AIDA: variants seen among roughly 807,000 people sequenced by gnomAD.
AIDA encodes the protein axin interactor, dorsalization associated.
AIDA carries 18 observed loss-of-function variants against 42.7 expected under a neutral mutation model. The ratio of observed to expected loss-of-function variants is 0.42; its 90% CI spans 0.29 to 0.63. The LOEUF is 0.63. AIDA is among the 20% of genes least tolerant of loss of function. The pLI, the probability that AIDA is intolerant of heterozygous loss-of-function variation, is 0.19. For synonymous variants in AIDA, 104 were observed against 122.9 expected (o/e 0.85, Z 1.02); for missense variants, 250 against 354.1 (o/e 0.71, Z 2.36).
intron 1 of AIDA, among the ~76,000 whole-genome samples, chr1:222,704,416 G>A (rs887020978): frequency 6.6e-6 from 1 of 152,054 alleles, no homozygotes; most frequent in Non-Finnish European, 1.5e-5. Context: ...CTACCAAAAT[G>A]TCCATCAACT....
rs755303641 is a variant in AIDA at position 222,670,114 on chromosome 1, C to A, written c.824+19G>T. 5 of 1,610,958 alleles carry A rather than the reference C, an allele frequency of 3.1e-6. No individual in the cohort carries two copies. In the Admixed American group the frequency reaches 8.3e-5, roughly 27 times the overall value. ...AGTCACCATCAAATTAGTACTAATTCTATATGCACATCACTTACAGTTCTA... is the reference window on the plus strand; with the variant it reads ...AGTCACCATCAAATTAGTACTAATTATATATGCACATCACTTACAGTTCTA... On this transcript the variant is annotated intron_variant, in intron 9 of 9. Coordinates refer to ENST00000340020, the MANE Select transcript of AIDA (RefSeq NM_022831.4).
chr1:222,709,162 G>T (rs763820597), intron 1 of AIDA, among the ~76,000 whole-genome samples: 1 of 152,220 alleles, frequency 6.6e-6, no homozygotes, highest in African/African-American at 2.4e-5. Context: ...GCCGGGCACG[G>T]TGGCTCATGC....
chr1:222,706,970 G>A (rs1655855975), intron 1 of AIDA, among the ~76,000 whole-genome samples: 1 of 151,988 alleles, frequency 6.6e-6, no homozygotes, highest in Non-Finnish European at 1.5e-5. Flanking sequence ...TGTTGCTAGA[G>A]TGGGAATATG....
chr1:222,696,975 C>T (rs1386494863), intron 2 of AIDA, among the ~76,000 whole-genome samples: 3 of 152,116 alleles, frequency 2.0e-5, no homozygotes, highest in African/African-American at 4.8e-5. Context: ...CGGAGTCTCA[C>T]TCTGTTGCCC....
At chr1:222,710,361 A>G (rs931002701) in intron 1 of AIDA, among the ~76,000 whole-genome samples, 1 of 152,248 alleles carries the variant, frequency 6.6e-6, no homozygotes, top group Non-Finnish European at 1.5e-5. Flanking sequence ...GGATCTGCAC[A>G]TGCCTATCAC....
intron 4 of AIDA, among the ~76,000 whole-genome samples, 196 bp downstream of exon 4, chr1:222,693,593 T>C (rs1655433623): frequency 1.3e-5 from 2 of 152,194 alleles, no homozygotes; most frequent in Admixed American, 6.5e-5. Flanking sequence ...CAACCTCATA[T>C]ATTCTACAAC....
At position 222,687,045 on chromosome 1, in the gene AIDA, A is replaced by G. The variant is rs779375395; in HGVS notation, c.354-9T>C. 11 of 1,612,144 alleles carry G rather than the reference A, an allele frequency of 6.8e-6. No individual in the cohort carries two copies. In the East Asian group the frequency reaches 1.3e-4, roughly 20 times the overall value. ...CAGGTGCCAAAATTCTTCTACACAA[A>G]AAAAGGGCAGAAAAAACAACAAACT... On this transcript the variant is annotated splice_polypyrimidine_tract_variant and intron_variant, in intron 5 of 9. Transcript: ENST00000340020.
chr1:222,706,125 G>T (rs905705081), intron 1 of AIDA, among the ~76,000 whole-genome samples: 12 of 152,190 alleles, frequency 7.9e-5, no homozygotes, highest in East Asian at 1.9e-4. Context: ...CCACAGTGAG[G>T]TATGTATTAT....
intron 6 of AIDA, among the ~76,000 whole-genome samples, chr1:222,683,608 TAGTA>T (rs1400776970): frequency 6.6e-6 from 1 of 152,212 alleles, no homozygotes; most frequent in African/African-American, 2.4e-5. Context: ...TCATGTTACT[TAGTA>T]AGAAAATCTT....
At chr1:222,677,140 G>C (rs1213861041) in intron 6 of AIDA, among the ~76,000 whole-genome samples, 1 of 151,848 alleles carries the variant, frequency 6.6e-6, no homozygotes, top group Non-Finnish European at 1.5e-5. Context: ...TAAGATACTT[G>C]ATATTTTCTG....
intron 6 of AIDA, among the ~76,000 whole-genome samples, chr1:222,685,935 G>A (rs933834359): frequency 3.3e-5 from 5 of 152,318 alleles, no homozygotes; most frequent in African/African-American, 1.2e-4. Flanking sequence ...TGAGGCAGGT[G>A]GATCACCTGA....
intron 4 of AIDA, among the ~76,000 whole-genome samples, chr1:222,688,527 A>G (rs1469330313): frequency 1.3e-5 from 2 of 152,170 alleles, no homozygotes; most frequent in Non-Finnish European, 2.9e-5. Context: ...TATTGTTTAC[A>G]TAGAACTTAC....
At chr1:222,673,515 G>T in intron 7 of AIDA, 80 bp from the exon 8 acceptor site, 1 of 1,243,216 alleles carries the variant, frequency 8.0e-7, no homozygotes, top group Non-Finnish European at 1.1e-6. Context: ...GGTGGCTCAC[G>T]CCTGTAATCC....
At chr1:222,686,175 C>T (rs1443667265) in intron 6 of AIDA, among the ~76,000 whole-genome samples, 2 of 151,994 alleles carry the variant, frequency 1.3e-5, no homozygotes, top group Non-Finnish European at 2.9e-5. Context: ...CAAAACAAAA[C>T]AAAACAAAAG....
chr1:222,694,290 A>C (rs924910243), intron 2 of AIDA, 27 bp from the exon 3 acceptor site: 1 of 1,583,698 alleles, frequency 6.3e-7, no homozygotes, highest in African/African-American at 1.4e-5. Context: ...AAAGCTATAA[A>C]TACCAGAATT....
intron 2 of AIDA, among the ~76,000 whole-genome samples, chr1:222,699,643 T>C (rs1655627720): frequency 6.6e-6 from 1 of 152,232 alleles, no homozygotes; most frequent in Non-Finnish European, 1.5e-5. Flanking sequence ...AAGATCTGTT[T>C]TCTAATCATT....
At chr1:222,696,270 G>A (rs1480316351) in intron 2 of AIDA, among the ~76,000 whole-genome samples, 3 of 152,110 alleles carry the variant, frequency 2.0e-5, no homozygotes, top group Non-Finnish European at 4.4e-5. Context: ...TCTTTTCTAC[G>A]TAGAATCCAA....
chr1:222,705,587 A>G (rs958919658), intron 1 of AIDA, among the ~76,000 whole-genome samples: 11 of 152,236 alleles, frequency 7.2e-5, no homozygotes, highest in African/African-American at 2.7e-4. Context: ...GGAATCTTGC[A>G]TAAAAGTTAT....
At chr1:222,687,116 A>C (rs1655217602) in intron 5 of AIDA, 80 bp from the exon 6 acceptor site, 1 of 1,546,710 alleles carries the variant, frequency 6.5e-7, no homozygotes, top group African/African-American at 1.4e-5. Context: ...CTCGTTTCCC[A>C]GGCAAGATGC....
Sources: allele counts gnomAD v4.1 joint callset (sites outside exome capture counted in the v4.1 genomes callset), GRCh38; gene constraint gnomAD v4.1.1; transcripts MANE v1.5; gene names NCBI Gene and HGNC (gene_info 2026-07-23, HGNC 2026-07-21).